Variants in HACE1 observed in about 807,000 individuals in gnomAD.
The protein encoded by HACE1 is E3 ubiquitin-protein ligase HACE1.
Under a neutral mutation model 118.4 loss-of-function variants are expected in HACE1, and 73 were observed. That is an observed-to-expected ratio of 0.62 (90% CI 0.51 to 0.75). HACE1 has a LOEUF of 0.75. Among genes scored for constraint, HACE1 ranks in the 30% least tolerant of loss-of-function variants. The pLI is 0.00. For synonymous variants in HACE1, 368 were observed against 374.8 expected, an observed-to-expected ratio of 0.98 and a Z score of 0.21; for missense variants, 749 against 1,102.2, an observed-to-expected ratio of 0.68 and a Z score of 4.54.
chr6:104,852,219 G>GTGTA lies in HACE1; in HGVS notation c.131+97_131+98insTACA, dbSNP rs1345631561. 26 of 711,342 alleles carry GTGTA rather than the reference G, an allele frequency of 3.7e-5. No homozygotes were observed. The East Asian group carries it at 6.6e-4, about 18-fold the overall frequency. The allele number at this position is 711,342 out of a possible 1,614,324, so 44.1% of individuals were successfully genotyped here. ...ACTGTCTGTGTGTGTGTGTGTGTGT[G>GTGTA]TGTGTGTGTGCGCGCGTGCGCGTGC... On this transcript the variant is annotated intron_variant, in intron 2 of 23. Transcript: ENST00000262903.
chr6:104,847,098 T>C (rs1462643517), intron 4 of HACE1, among the ~76,000 whole-genome samples: 1 of 152,170 alleles, frequency 6.6e-6, no homozygotes, highest in Non-Finnish European at 1.5e-5. Context: ...TTTATTTGTT[T>C]CTAAAAAACG....
In HACE1 at chr6:104,729,510, G is replaced by A; in HGVS notation, c.*152C>T. On this transcript the variant is annotated 3_prime_UTR_variant, in exon 24 of 24. Transcript: ENST00000262903. ...CAGAGAAAACATAAAAGGGAAAAGA[G>A]AGAAACAGAAAACCTGATGATCCTT... 1 of 656,254 alleles carries A rather than the reference G, an allele frequency of 1.5e-6. No individual in the cohort carries two copies. The highest frequency in any genetic ancestry group is 2.8e-6 in the Non-Finnish European group (1 of 362,794). 40.7% of individuals were successfully genotyped at this position (656,254 alleles called of 1,614,324 possible). A position where few individuals can be genotyped will look rare whatever the true frequency, so the allele number is the denominator to read the frequency against.
intron 5 of HACE1, among the ~76,000 whole-genome samples, chr6:104,841,985 T>C (rs554572101): frequency 2.6e-5 from 4 of 152,252 alleles, no homozygotes; most frequent in African/African-American, 9.6e-5. Flanking sequence ...GAAAGTGGTA[T>C]GGCAAAATGG....
intron 20 of HACE1, among the ~76,000 whole-genome samples, chr6:104,745,032 T>G (rs1329808694): frequency 1.3e-5 from 2 of 152,166 alleles, no homozygotes; most frequent in Non-Finnish European, 2.9e-5. Flanking sequence ...AATAAATACT[T>G]GACTAAACAA....
intron 6 of HACE1, among the ~76,000 whole-genome samples, chr6:104,823,796 T>C (rs1029135268): frequency 1.3e-5 from 2 of 152,050 alleles, no homozygotes; most frequent in African/African-American, 4.8e-5. Context: ...GTTTTCTTTT[T>C]GTAAAAGCTC....
intron 14 of HACE1, among the ~76,000 whole-genome samples, chr6:104,779,816 G>C (rs957157793): frequency 6.6e-6 from 1 of 151,898 alleles, no homozygotes; most frequent in East Asian, 1.9e-4. Flanking sequence ...CCTACTTCAA[G>C]AGCTGTTAGG....
chr6:104,745,384 A>T (rs536281528), intron 20 of HACE1, among the ~76,000 whole-genome samples: 1 of 152,012 alleles, frequency 6.6e-6, no homozygotes, highest in Non-Finnish European at 1.5e-5. Flanking sequence ...ACAGTTAGAG[A>T]TGCTTACATA....
intron 19 of HACE1, among the ~76,000 whole-genome samples, chr6:104,763,195 T>C (rs1419739426): frequency 6.6e-6 from 1 of 152,008 alleles, no homozygotes; most frequent in African/African-American, 2.4e-5. Flanking sequence ...AAAAAGATCA[T>C]TCAAACCCAC....
chr6:104,834,360 G>C (rs1774317117), intron 5 of HACE1, among the ~76,000 whole-genome samples: 1 of 152,094 alleles, frequency 6.6e-6, no homozygotes, highest in Admixed American at 6.6e-5. Flanking sequence ...CTTACTTCCT[G>C]TATTTTACAA....
In HACE1 at chr6:104,769,334, T is replaced by C. The variant is rs371753942; in HGVS notation, c.2211+1859A>G. ...CAATTGTTACTAGATCTTTCCACTT[T>C]GTCATATATATCTGAAAGGAGTGAC... On this transcript the variant is annotated intron_variant, in intron 19 of 23. Transcript: ENST00000262903. Among the ~76,000 whole-genome samples, 102 of 152,270 alleles carry C rather than the reference T, an allele frequency of 6.7e-4. 1 individual carries two copies. Among genetic ancestry groups the C allele is most frequent in the Admixed American group, 2.0e-3 (30 of 15,274 alleles).
intron 1 of HACE1, among the ~76,000 whole-genome samples, chr6:104,855,704 G>C (rs962113826): frequency 6.6e-6 from 1 of 151,916 alleles, no homozygotes; most frequent in Admixed American, 6.6e-5. Flanking sequence ...ATTCTTTATC[G>C]TTCATATAAT....
rs963404245 is a variant in HACE1, at chr6:104,728,244, C to A, written c.*1418G>T. 1 of 152,074 alleles carries A rather than the reference C, an allele frequency of 6.6e-6. No homozygotes were observed. 9.4% of individuals were successfully genotyped at this position (152,074 alleles called of 1,614,324 possible). A position where few individuals can be genotyped will look rare whatever the true frequency, so the allele number is the denominator to read the frequency against. ...GCAGTGTAATATTAAAGGTGGTTAT[C>A]TATTTGAAAACTCAGAAGGCAGTGA... On this transcript the variant is annotated 3_prime_UTR_variant, in exon 24 of 24. Transcript: ENST00000262903.
chr6:104,772,406 C>T (rs958472235), intron 17 of HACE1, among the ~76,000 whole-genome samples: 4 of 152,172 alleles, frequency 2.6e-5, no homozygotes, highest in African/African-American at 7.2e-5. Context: ...TACACATACA[C>T]ACACACACAC....
chr6:104,801,363 A>G (rs1770326860), intron 7 of HACE1, among the ~76,000 whole-genome samples: 3 of 152,216 alleles, frequency 2.0e-5, no homozygotes, highest in African/African-American at 7.2e-5. Flanking sequence ...GGAAATACAG[A>G]GAACGCCACA....
At chr6:104,743,885 C>G (rs1412779569) in intron 22 of HACE1, among the ~76,000 whole-genome samples, 3 of 151,964 alleles carry the variant, frequency 2.0e-5, no homozygotes, top group Non-Finnish European at 4.4e-5. Context: ...ATTGACCTAC[C>G]TGCAGAGCAA....
At chr6:104,756,682 T>C (rs1334799969) in intron 19 of HACE1, among the ~76,000 whole-genome samples, 5 of 151,674 alleles carry the variant, frequency 3.3e-5, no homozygotes, top group East Asian at 2.0e-4. Flanking sequence ...GTTCAACTCA[T>C]TGGGACTGGT....
At chr6:104,802,851 A>G (rs1164878872) in intron 7 of HACE1, among the ~76,000 whole-genome samples, 2 of 152,212 alleles carry the variant, frequency 1.3e-5, no homozygotes. Context: ...GAAGGCAAGA[A>G]ATAACTAAGA....
In HACE1 at chr6:104,729,386, T is replaced by TA; in HGVS notation, c.*275dup. The TA allele has an allele frequency of 2.5e-6, 1 of 402,582 alleles. No homozygotes were observed. The highest frequency in any genetic ancestry group is 4.5e-6 in the Non-Finnish European group (1 of 219,974). 24.9% of individuals were successfully genotyped at this position (402,582 alleles called of 1,614,324 possible). On this transcript the variant is annotated 3_prime_UTR_variant, in exon 24 of 24. Coordinates refer to ENST00000262903, the MANE Select transcript of HACE1 (RefSeq NM_020771.4). The stretch of plus-strand genomic sequence containing the variant: ...GATTTTGCCTTAATACAATCTTGGA[T>TA]AAAATTAATTATGAAAAAGGACAGT...
intron 19 of HACE1, among the ~76,000 whole-genome samples, chr6:104,756,380 C>T (rs997875465): frequency 6.8e-6 from 1 of 147,232 alleles, no homozygotes; most frequent in African/African-American, 2.5e-5. Context: ...CCACTGCACC[C>T]CAGCCTGAGT....
Sources: gnomAD v4.1 joint callset for allele counts (sites outside exome capture counted in the v4.1 genomes callset) on GRCh38, gnomAD v4.1.1 for gene constraint, MANE v1.5 for transcripts, NCBI Gene and HGNC (gene_info 2026-07-23, HGNC 2026-07-21) for gene names.